The following LPP variants were observed in gnomAD, a reference collection of about 807,000 sequenced individuals.
LPP encodes LIM domain containing preferred translocation partner in lipoma, also known as lipoma-preferred partner.
Under a neutral mutation model 60.4 loss-of-function variants are expected in LPP, and 38 were observed. That is an observed-to-expected ratio of 0.63 (90% confidence interval 0.49 to 0.83). The LOEUF (loss-of-function observed/expected upper bound fraction) is 0.83, where lower values mean the gene tolerates loss of function less well. Ranked by LOEUF, LPP falls within the 40% of genes least tolerant of loss-of-function variation. LPP has a pLI of 0.00. For synonymous variants in LPP, 328 were observed against 290.8 expected (o/e 1.13, Z -1.30); for missense variants, 902 against 783.6 (o/e 1.15, Z -1.80).
intron 2 of LPP, among the ~76,000 whole-genome samples, chr3:188,268,788 A>G (rs1246547061): frequency 6.6e-6 from 1 of 152,248 alleles, no homozygotes; most frequent in Non-Finnish European, 1.5e-5. Flanking sequence ...CGTGGCAGGA[A>G]TAATGAATGA....
At chr3:188,405,518 C>G (rs1161904740) in intron 3 of LPP, among the ~76,000 whole-genome samples, 1 of 151,950 alleles carries the variant, frequency 6.6e-6, no homozygotes, top group African/African-American at 2.4e-5. Context: ...CAGGTTCAAC[C>G]CTACTTAGCA....
At chr3:188,644,869 G>A (rs1456621018) in intron 7 of LPP, among the ~76,000 whole-genome samples, 1 of 152,298 alleles carries the variant, frequency 6.6e-6, no homozygotes, top group East Asian at 1.9e-4. Context: ...AGACAAGAGA[G>A]GGAACAGGAA....
At chr3:188,870,976 CT>C (rs940456140) in intron 10 of LPP, among the ~76,000 whole-genome samples, 12 of 151,464 alleles carry the variant, frequency 7.9e-5, no homozygotes, top group Admixed American at 3.9e-4. Flanking sequence ...TACAGCCCAA[CT>C]TTTTTTTTCT....
At chr3:188,319,776 T>C (rs1324085084) in intron 2 of LPP, among the ~76,000 whole-genome samples, 1 of 152,254 alleles carries the variant, frequency 6.6e-6, no homozygotes, top group Non-Finnish European at 1.5e-5. Flanking sequence ...ATCATTGGTG[T>C]AACATGACTA....
intron 7 of LPP, among the ~76,000 whole-genome samples, chr3:188,612,297 C>T (rs968862024): frequency 1.3e-5 from 2 of 152,042 alleles, no homozygotes; most frequent in African/African-American, 4.8e-5. Flanking sequence ...ATTCTGGGCG[C>T]GTTGTGAGGG....
At position 188,790,948 on chromosome 3, in the gene LPP, G is replaced by C. The variant is rs979597768; in HGVS notation, c.1410+30666G>C. On this transcript the variant is annotated intron_variant, in intron 9 of 11. Transcript: ENST00000617246. ...GAAAAGTCTTCAAAAAAAAAAAAAC[G>C]CTTTAGAAAAACACTTTAGACACTT... Among the ~76,000 whole-genome samples, 85 of 142,612 alleles carry C rather than the reference G, an allele frequency of 6.0e-4. 2 individuals are homozygous for C. In the South Asian group the frequency reaches 0.019, roughly 31 times the overall value. 93.6% of individuals were successfully genotyped at this position (142,612 alleles called of 152,430 possible).
chr3:188,260,753 C>T (rs528517261), intron 2 of LPP, among the ~76,000 whole-genome samples: 34 of 152,286 alleles, frequency 2.2e-4, no homozygotes, highest in African/African-American at 7.9e-4. Flanking sequence ...TGTTTCTGGG[C>T]TGGGCGCGGT....
chr3:188,717,879 G>A (rs1385954658), intron 8 of LPP, among the ~76,000 whole-genome samples: 4 of 152,078 alleles, frequency 2.6e-5, no homozygotes, highest in Admixed American at 2.6e-4. Context: ...GTGCAATGGT[G>A]CGATCTCGGT....
At chr3:188,430,592 C>G (rs1367835040) in intron 4 of LPP, among the ~76,000 whole-genome samples, 1 of 152,094 alleles carries the variant, frequency 6.6e-6, no homozygotes, top group Non-Finnish European at 1.5e-5. Flanking sequence ...ATTTGTTATA[C>G]CATGTGTTTG....
chr3:188,574,636 T>C (rs1315974851), intron 6 of LPP, among the ~76,000 whole-genome samples: 1 of 152,146 alleles, frequency 6.6e-6, no homozygotes, highest in African/African-American at 2.4e-5. Flanking sequence ...TTGCTGCTTG[T>C]TGCCTGAAAG....
chr3:188,666,036 T>C (rs1855725961), intron 7 of LPP, among the ~76,000 whole-genome samples: 1 of 152,258 alleles, frequency 6.6e-6, no homozygotes, highest in African/African-American at 2.4e-5. Context: ...GCCATTCTTA[T>C]TCATTTATCC....
At chr3:188,623,279 A>G (rs1846165072) in intron 7 of LPP, among the ~76,000 whole-genome samples, 1 of 148,204 alleles carries the variant, frequency 6.7e-6, no homozygotes, top group Admixed American at 6.8e-5. Flanking sequence ...TTTTTTTGAA[A>G]GAGAGCGTCA....
chr3:188,605,208 T>C (rs1307363971), intron 6 of LPP, among the ~76,000 whole-genome samples: 1 of 152,108 alleles, frequency 6.6e-6, no homozygotes, highest in Non-Finnish European at 1.5e-5. Flanking sequence ...GGAGACCAGT[T>C]TGGATGTTTT....
At chr3:188,618,733 C>G (rs1356575523) in intron 7 of LPP, among the ~76,000 whole-genome samples, 1 of 152,272 alleles carries the variant, frequency 6.6e-6, no homozygotes, top group Admixed American at 6.5e-5. Flanking sequence ...CTGTGCATAC[C>G]CTAAGTCTGA....
intron 4 of LPP, among the ~76,000 whole-genome samples, chr3:188,476,065 CCACCCTAACAGT>C (rs1803129683): frequency 6.6e-6 from 1 of 152,114 alleles, no homozygotes; most frequent in Non-Finnish European, 1.5e-5. Flanking sequence ...ACTCCCACCA[CCACCCTAACAGT>C]CCCAACCCCC....
chr3:188,557,725 G>A (rs941650577), intron 6 of LPP, among the ~76,000 whole-genome samples: 1 of 152,090 alleles, frequency 6.6e-6, no homozygotes, highest in Non-Finnish European at 1.5e-5. Context: ...ACTAGAGGTT[G>A]TACAAGTAAA....
At chr3:188,505,450 C>T (rs1288918969) in intron 5 of LPP, among the ~76,000 whole-genome samples, 1 of 152,254 alleles carries the variant, frequency 6.6e-6, no homozygotes, top group South Asian at 2.1e-4. Flanking sequence ...ATAAGATCAA[C>T]TTTGATCTTT....
chr3:188,522,902 A>G (rs187638703), intron 5 of LPP, among the ~76,000 whole-genome samples: 255 of 106,586 alleles, frequency 2.4e-3, no homozygotes, highest in African/African-American at 6.1e-3. Context: ...GTGTGTGTGT[A>G]TATACATATA....
At chr3:188,379,050 C>G (rs1050993377) in intron 3 of LPP, among the ~76,000 whole-genome samples, 1 of 151,866 alleles carries the variant, frequency 6.6e-6, no homozygotes, top group African/African-American at 2.4e-5. Context: ...GAAGTCCTGC[C>G]CTCCCCACTA....
Sources: allele counts gnomAD v4.1 joint callset (sites outside exome capture counted in the v4.1 genomes callset), GRCh38; gene constraint gnomAD v4.1.1; transcripts MANE v1.5; gene names NCBI Gene and HGNC (gene_info 2026-07-23, HGNC 2026-07-21).